The following PIK3C2G variants were observed in gnomAD, a reference collection of about 807,000 sequenced individuals.
PIK3C2G encodes phosphatidylinositol-4-phosphate 3-kinase catalytic subunit type 2 gamma.
A neutral mutation model predicts 181.1 loss-of-function variants in PIK3C2G; 168 were observed. The observed-to-expected ratio is 0.93, with a 90% CI of 0.82 to 1.05. PIK3C2G has a LOEUF of 1.05. PIK3C2G is among the 50% of genes least tolerant of loss of function. The pLI is 0.00. For missense variants in PIK3C2G, 1,869 were observed against 1,732.8 expected, an observed-to-expected ratio of 1.08 and a Z score of -1.40; for synonymous variants, 573 against 592.2, an observed-to-expected ratio of 0.97 and a Z score of 0.47.
At chr12:18,567,911 G>T (rs1306921347) in intron 29 of PIK3C2G, among the ~76,000 whole-genome samples, 1 of 152,092 alleles carries the variant, frequency 6.6e-6, no homozygotes, top group Non-Finnish European at 1.5e-5. Flanking sequence ...GCTGGTTCTG[G>T]AATCTTTTCA....
rs1214622703 is a variant in PIK3C2G, at chr12:18,379,264, A to C, written c.1881-2502A>C. 4.0e-5 allele frequency among the ~76,000 whole-genome samples: 6 copies of C among 151,214 alleles called. No homozygotes were observed. In the East Asian group the frequency reaches 1.2e-3, roughly 30 times the overall value. ...TCATTCTCAGCAAACTATCACAGGC[A>C]CAAAAAACCAAACACCACATGTTCT... On this transcript the variant is annotated intron_variant, in intron 13 of 32. Transcript: ENST00000538779.
chr12:18,685,846 GCA>G, the PIK3C2G span, among the ~76,000 whole-genome samples: 15,202 of 109,192 alleles, frequency 0.14, 1,198 homozygotes, highest in African/African-American at 0.31. Context: ...ACACACACGC[GCA>G]CACACACACA....
At chr12:18,716,691 C>A in the PIK3C2G span, among the ~76,000 whole-genome samples, 39 of 152,270 alleles carry the variant, frequency 2.6e-4, no homozygotes, top group East Asian at 5.6e-3. Flanking sequence ...ATGAAATTTC[C>A]ACTCTTAACT....
chr12:18,681,000 GC>G, the PIK3C2G span, among the ~76,000 whole-genome samples: 3 of 152,012 alleles, frequency 2.0e-5, no homozygotes, highest in Non-Finnish European at 4.4e-5. Flanking sequence ...TAGCATTGTT[GC>G]GTTTGGACGA....
intron 12 of PIK3C2G, among the ~76,000 whole-genome samples, chr12:18,363,898 C>A (rs1941451515): frequency 6.6e-6 from 1 of 152,164 alleles, no homozygotes; most frequent in Admixed American, 6.5e-5. Context: ...TCTTATAGGA[C>A]CATGACAATC....
chr12:18,626,379 A>G (rs1949099475), intron 31 of PIK3C2G, among the ~76,000 whole-genome samples: 1 of 151,916 alleles, frequency 6.6e-6, no homozygotes, highest in Non-Finnish European at 1.5e-5. Flanking sequence ...ATTCCTTGAC[A>G]GTTTATTTTA....
the PIK3C2G span, among the ~76,000 whole-genome samples, chr12:18,655,471 G>T: frequency 1.4e-4 from 22 of 152,196 alleles, no homozygotes; most frequent in Admixed American, 1.4e-3. Flanking sequence ...TATTTATGGA[G>T]ATGTTGCACC....
chr12:18,351,519 T>C (rs189634280), intron 11 of PIK3C2G, among the ~76,000 whole-genome samples: 16 of 152,316 alleles, frequency 1.1e-4, no homozygotes, highest in Non-Finnish European at 1.0e-4. Context: ...AGAGTTTTGC[T>C]GATTTATCCT....
In PIK3C2G at chr12:18,261,659, T is replaced by G. The variant is rs372763024; in HGVS notation, c.-79+82T>G. 18 of 152,268 alleles carry G rather than the reference T, an allele frequency of 1.2e-4. No homozygotes were observed. In the East Asian group the frequency reaches 2.7e-3, roughly 23 times the overall value. 9.4% of individuals were successfully genotyped at this position (152,268 alleles called of 1,614,324 possible). The stretch of plus-strand genomic sequence containing the variant: ...ACTCAAATATATTATTGAGGCAAAA[T>G]AGCTCTTTAATTATACTGTGATACA... On this transcript the variant is annotated intron_variant, in intron 1 of 32. Coordinates refer to ENST00000538779, the MANE Select transcript of PIK3C2G (RefSeq NM_001288772.2).
chr12:18,317,421 T>C (rs1462391538), intron 6 of PIK3C2G, among the ~76,000 whole-genome samples: 2 of 152,170 alleles, frequency 1.3e-5, no homozygotes, highest in Non-Finnish European at 2.9e-5. Context: ...GATAAGTACT[T>C]TATACAGTAT....
the PIK3C2G span, among the ~76,000 whole-genome samples, chr12:18,660,959 T>C: frequency 1.3e-5 from 2 of 152,022 alleles, no homozygotes; most frequent in African/African-American, 2.4e-5. Flanking sequence ...AATAAAAATA[T>C]AGAAAACCCA....
At chr12:18,369,139 C>G (rs1275559574) in intron 12 of PIK3C2G, among the ~76,000 whole-genome samples, 8 of 152,218 alleles carry the variant, frequency 5.3e-5, no homozygotes, top group Non-Finnish European at 8.8e-5. Flanking sequence ...ATTTCCCTCA[C>G]ATCTCATGGC....
chr12:18,609,571 T>C lies in PIK3C2G; in HGVS notation c.4124T>C (p.Leu1375Ser). ...CCAGACAAGAAGCCTAAGGTGCAGTTAGTCATATCCTACGAGGATGTGAAG... is the reference window on the plus strand; with the variant it reads ...CCAGACAAGAAGCCTAAGGTGCAGTCAGTCATATCCTACGAGGATGTGAAG... ...KFPDKKPKVQ[L>S]VISYEDVKLT... The change falls in exon 31 of 33, where the codon TTA (leucine) becomes TCA (serine). Residue 1375 changes from leucine to serine, a missense_variant. By Grantham distance (145) the Leu-to-Ser change is moderately radical (BLOSUM62 -2). Coordinates refer to ENST00000538779, the MANE Select transcript of PIK3C2G (RefSeq NM_001288772.2). 6.3e-7 allele frequency: 1 copy of C among 1,589,120 alleles called. No homozygotes were observed. Among genetic ancestry groups the C allele is most frequent in the Non-Finnish European group, 8.6e-7 (1 of 1,166,054 alleles).
upstream of PIK3C2G, among the ~76,000 whole-genome samples, chr12:18,244,195 C>A (rs1172297685): frequency 6.6e-6 from 1 of 151,620 alleles, no homozygotes; most frequent in Non-Finnish European, 1.5e-5. Context: ...TATATTTTAC[C>A]CCAAATTCTA....
intron 18 of PIK3C2G, among the ~76,000 whole-genome samples, chr12:18,440,715 G>C (rs1376042329): frequency 6.6e-6 from 1 of 151,932 alleles, no homozygotes; most frequent in African/African-American, 2.4e-5. Flanking sequence ...GGTTACAGGG[G>C]GAAAGAGTAG....
chr12:18,629,565 A>C (rs1949257767), intron 31 of PIK3C2G, among the ~76,000 whole-genome samples: 1 of 152,204 alleles, frequency 6.6e-6, no homozygotes, highest in Admixed American at 6.5e-5. Context: ...ATGCTGTTAC[A>C]AATAAAGTCT....
chr12:18,376,651 C>T (rs1942460108), intron 13 of PIK3C2G, among the ~76,000 whole-genome samples: 1 of 152,124 alleles, frequency 6.6e-6, no homozygotes, highest in South Asian at 2.1e-4. Context: ...TTGTTTCCTC[C>T]AAATCTTGTG....
chr12:18,587,242 A>C (rs1946828710), intron 29 of PIK3C2G, among the ~76,000 whole-genome samples: 1 of 152,164 alleles, frequency 6.6e-6, no homozygotes, highest in Non-Finnish European at 1.5e-5. Flanking sequence ...AAGGGCATCC[A>C]AATAGGAAGA....
chr12:18,652,499 T>C (rs1950562278), downstream of PIK3C2G, among the ~76,000 whole-genome samples: 1 of 152,118 alleles, frequency 6.6e-6, no homozygotes, highest in African/African-American at 2.4e-5. Context: ...TCCAAAGCTG[T>C]GGGGGAAAAA....
Sources: allele counts gnomAD v4.1 joint callset (sites outside exome capture counted in the v4.1 genomes callset), GRCh38; gene constraint gnomAD v4.1.1; transcripts MANE v1.5; gene names NCBI Gene and HGNC (gene_info 2026-07-23, HGNC 2026-07-21).